The following FMN2 variants were observed in gnomAD, a reference collection of about 807,000 sequenced individuals.
FMN2 encodes formin-2.
FMN2 carries 51 observed loss-of-function variants against 142.3 expected under a neutral mutation model. The observed-to-expected ratio is 0.36, with a 90% CI of 0.29 to 0.45. FMN2 has a LOEUF of 0.45. FMN2 is among the 20% of genes least tolerant of loss of function. The probability of loss-of-function intolerance (pLI) is 1.00; values close to 1 mark genes in which losing one functional copy is unlikely to be tolerated. For synonymous variants in FMN2, 882 were observed against 869.8 expected, an observed-to-expected ratio of 1.01 and a Z score of -0.25; for missense variants, 1,936 against 2,122.8, an observed-to-expected ratio of 0.91 and a Z score of 1.73.
intron 11 of FMN2, 112 bp from the exon 12 acceptor site, chr1:240,333,775 A>G (rs1221068168): frequency 1.3e-6 from 1 of 780,138 alleles, no homozygotes; most frequent in Non-Finnish European, 1.9e-6. Context: ...TTCACATTTC[A>G]TTCCAAATGT....
intron 15 of FMN2, among the ~76,000 whole-genome samples, chr1:240,413,252 C>CACTAAA (rs1487455398): frequency 6.7e-6 from 1 of 149,278 alleles, no homozygotes; most frequent in Non-Finnish European, 1.5e-5. Context: ...GTTGGTAGAG[C>CACTAAA]TAGTCAGTGG....
chr1:240,181,359 T>C (rs578111901), intron 3 of FMN2, among the ~76,000 whole-genome samples: 5 of 152,314 alleles, frequency 3.3e-5, no homozygotes, highest in Non-Finnish European at 2.9e-5. Flanking sequence ...TAGTTCAGAT[T>C]TGTGGTACTC....
At chr1:240,383,395 A>G (rs755155350) in intron 14 of FMN2, among the ~76,000 whole-genome samples, 3 of 152,228 alleles carry the variant, frequency 2.0e-5, no homozygotes, top group Non-Finnish European at 4.4e-5. Context: ...AGAATCCACA[A>G]GGAACTCAAA....
Position 240,092,361 on chromosome 1 carries a change from G to A in FMN2, c.252G>A (p.Leu84=), listed in dbSNP as rs200561900. The A allele has an allele frequency of 1.3e-5, 21 of 1,609,422 alleles. No homozygotes were observed. In the East Asian group the frequency reaches 4.7e-4, roughly 36 times the overall value. ...CCAACCTGCGGATCAGGAAGAATCT[G>A]TCCAAGGGGAAAGGCGCCGGCGGCT... ...VFSNLRIRKN[L]SKGKGAGGSR... Residue 84 remains leucine (L), a synonymous_variant, in exon 1 of 18, where the codon CTG becomes CTA. Transcript: ENST00000319653.
intron 3 of FMN2, among the ~76,000 whole-genome samples, chr1:240,182,272 T>C (rs878952730): frequency 1.6e-4 from 24 of 152,248 alleles, no homozygotes; most frequent in African/African-American, 5.5e-4. Context: ...TAGATGTGAA[T>C]AGGGACTTGA....
At chr1:240,252,643 G>C (rs1668314646) in intron 6 of FMN2, among the ~76,000 whole-genome samples, 1 of 151,382 alleles carries the variant, frequency 6.6e-6, no homozygotes, top group African/African-American at 2.4e-5. Context: ...GACGGGGGGG[G>C]TGGTTCTCTT....
chr1:240,411,669 T>A (rs1052170468), intron 15 of FMN2, among the ~76,000 whole-genome samples: 2 of 151,550 alleles, frequency 1.3e-5, no homozygotes, highest in African/African-American at 2.4e-5. Context: ...ATGTTCTCTC[T>A]GTTGGCGTGA....
intron 10 of FMN2, 101 bp from the exon 11 acceptor site, chr1:240,330,502 A>C (rs1671339543): frequency 3.1e-6 from 4 of 1,278,050 alleles, no homozygotes; most frequent in Admixed American, 2.5e-5. Flanking sequence ...GTTGTGACCC[A>C]AAACTCCTAA....
chr1:240,332,004 A>G (rs1177325197), intron 11 of FMN2, among the ~76,000 whole-genome samples: 1 of 152,134 alleles, frequency 6.6e-6, no homozygotes, highest in Non-Finnish European at 1.5e-5. Flanking sequence ...TGTAAGATGA[A>G]GCATCGGGAG....
At chr1:240,110,465 C>T (rs1661769119) in intron 1 of FMN2, among the ~76,000 whole-genome samples, 1 of 152,178 alleles carries the variant, frequency 6.6e-6, no homozygotes. Context: ...AACCCTAGTG[C>T]AAGGAGAGTT....
chr1:240,106,693 T>C (rs895205747), intron 1 of FMN2, among the ~76,000 whole-genome samples: 2 of 150,760 alleles, frequency 1.3e-5, no homozygotes, highest in Non-Finnish European at 3.0e-5. Context: ...TTTTTTTTTC[T>C]TTTTTTTTGA....
intron 6 of FMN2, among the ~76,000 whole-genome samples, chr1:240,253,797 A>T (rs925145986): frequency 6.6e-6 from 1 of 152,180 alleles, no homozygotes; most frequent in Non-Finnish European, 1.5e-5. Flanking sequence ...GGTTTGATGT[A>T]GCATTTTGCC....
intron 16 of FMN2, among the ~76,000 whole-genome samples, chr1:240,450,654 T>G (rs10802873): frequency 0.7 from 106,801 of 151,696 alleles, 37,819 homozygotes; most frequent in East Asian, 0.88. Context: ...ATGCTCTGTA[T>G]CTAGATGAAA....
At chr1:240,417,095 G>A (rs188743101) in intron 15 of FMN2, among the ~76,000 whole-genome samples, 1 of 147,522 alleles carries the variant, frequency 6.8e-6, no homozygotes, top group Non-Finnish European at 1.5e-5. Context: ...TTGCTTTGCT[G>A]GTAATTATTT....
intron 6 of FMN2, among the ~76,000 whole-genome samples, chr1:240,251,525 G>A (rs2102885827): frequency 6.6e-6 from 1 of 152,304 alleles, no homozygotes; most frequent in Non-Finnish European, 1.5e-5. Flanking sequence ...ATGTGATGAT[G>A]AGAAGAATGT....
At chr1:240,423,606 C>T (rs1368846210) in intron 15 of FMN2, among the ~76,000 whole-genome samples, 1 of 152,038 alleles carries the variant, frequency 6.6e-6, no homozygotes, top group African/African-American at 2.4e-5. Flanking sequence ...TTGCTGTACT[C>T]CCAAAGGACA....
intron 4 of FMN2, among the ~76,000 whole-genome samples, chr1:240,188,828 G>A (rs1665587773): frequency 1.3e-5 from 2 of 152,142 alleles, no homozygotes; most frequent in Admixed American, 1.3e-4. Context: ...CACATGGCTG[G>A]GGAGGCCTCA....
chr1:240,433,792 A>G (rs1675260951), intron 15 of FMN2, among the ~76,000 whole-genome samples: 1 of 152,064 alleles, frequency 6.6e-6, no homozygotes, highest in African/African-American at 2.4e-5. Context: ...TATACAGATG[A>G]TGTTACCAGG....
At chr1:240,102,426 G>T (rs1661447170) in intron 1 of FMN2, among the ~76,000 whole-genome samples, 1 of 152,070 alleles carries the variant, frequency 6.6e-6, no homozygotes, top group Non-Finnish European at 1.5e-5. Flanking sequence ...GGTAACAATA[G>T]GGATAATCTT....
Sources: gnomAD v4.1 joint callset for allele counts (sites outside exome capture counted in the v4.1 genomes callset) on GRCh38, gnomAD v4.1.1 for gene constraint, MANE v1.5 for transcripts, NCBI Gene and HGNC (gene_info 2026-07-23, HGNC 2026-07-21) for gene names.